The following XNDC1N variants were observed in gnomAD, a reference collection of about 807,000 sequenced individuals.
XNDC1N encodes protein XNDC1N.
the XNDC1N span, among the ~76,000 whole-genome samples, chr11:71,876,326 T>G: frequency 6.6e-6 from 1 of 152,310 alleles, no homozygotes; most frequent in East Asian, 1.9e-4. Context: ...CTTCTTGGTG[T>G]TCTTTTAAGA....
chr11:71,884,277 T>C, the XNDC1N span: 6 of 1,114,372 alleles, frequency 5.4e-6, no homozygotes, highest in Non-Finnish European at 7.2e-6. Context: ...TCTCTTGCAT[T>C]CTTTTGCTGT....
At chr11:71,923,253 T>C in the XNDC1N span, 1 of 701,214 alleles carries the variant, frequency 1.4e-6, no homozygotes, top group Non-Finnish European at 2.6e-6. Context: ...AGACTCCTAT[T>C]TTTTTCACTC....
At chr11:71,879,541 G>T in the XNDC1N span, among the ~76,000 whole-genome samples, 1 of 152,056 alleles carries the variant, frequency 6.6e-6, no homozygotes, top group African/African-American at 2.4e-5. Flanking sequence ...CATGATTCAA[G>T]ATTCCCTTAT....
chr11:71,912,898 TG>T, the XNDC1N span, among the ~76,000 whole-genome samples: 1 of 152,076 alleles, frequency 6.6e-6, no homozygotes, highest in African/African-American at 2.4e-5. Flanking sequence ...ACATCACAAG[TG>T]GGGTGTACTC....
the XNDC1N span, among the ~76,000 whole-genome samples, chr11:71,907,344 G>A: frequency 6.6e-6 from 1 of 151,800 alleles, no homozygotes; most frequent in Non-Finnish European, 1.5e-5. Flanking sequence ...ATCGCAGGGG[G>A]GTGAGGCGCC....
the XNDC1N span, among the ~76,000 whole-genome samples, chr11:71,904,912 C>T: frequency 6.6e-6 from 1 of 151,830 alleles, no homozygotes; most frequent in Non-Finnish European, 1.5e-5. Context: ...AGTAACATAC[C>T]CCTAGGACAT....
chr11:71,895,643 A>G, the XNDC1N span, among the ~76,000 whole-genome samples: 1 of 152,188 alleles, frequency 6.6e-6, no homozygotes, highest in African/African-American at 2.4e-5. Context: ...TAGCATTTAC[A>G]TTTTACATTT....
the XNDC1N span, among the ~76,000 whole-genome samples, chr11:71,908,650 A>T: frequency 0.023 from 3,521 of 152,142 alleles, 117 homozygotes; most frequent in African/African-American, 0.081. Flanking sequence ...CTGGGAAAAC[A>T]ATACAACGCC....
the XNDC1N span, chr11:71,893,899 T>C: frequency 4.2e-5 from 41 of 978,494 alleles, no homozygotes; most frequent in Admixed American, 3.5e-4. Flanking sequence ...CTGTGTCTTC[T>C]TCGTTTTGGT....
the XNDC1N span, among the ~76,000 whole-genome samples, chr11:71,924,430 G>C: frequency 3.0e-4 from 46 of 152,106 alleles, 1 homozygote; most frequent in South Asian, 2.1e-4. Flanking sequence ...TGTAATCCCA[G>C]CACTTTGGGA....
the XNDC1N span, among the ~76,000 whole-genome samples, chr11:71,881,903 CAGG>C: frequency 3.9e-5 from 6 of 151,958 alleles, no homozygotes; most frequent in African/African-American, 7.3e-5. Flanking sequence ...AATGAAGTAT[CAGG>C]AGGAGGAGAA....
At chr11:71,874,978 A>G in the XNDC1N span, among the ~76,000 whole-genome samples, 2 of 152,212 alleles carry the variant, frequency 1.3e-5, no homozygotes, top group South Asian at 2.1e-4. Context: ...ATATAAGTTA[A>G]GCACACCTGC....
chr11:71,913,665 T>TAA, the XNDC1N span, among the ~76,000 whole-genome samples: 19 of 105,312 alleles, frequency 1.8e-4, no homozygotes, highest in South Asian at 6.0e-4. Flanking sequence ...TCTCAAAAGA[T>TAA]AAAAAAAAAA....
At chr11:71,921,579 T>G in the XNDC1N span, among the ~76,000 whole-genome samples, 6 of 152,168 alleles carry the variant, frequency 3.9e-5, no homozygotes, top group Admixed American at 2.6e-4. Context: ...AATCTAAATG[T>G]CTTCATCCAT....
At chr11:71,913,556 G>A in the XNDC1N span, among the ~76,000 whole-genome samples, 1 of 151,968 alleles carries the variant, frequency 6.6e-6, no homozygotes, top group African/African-American at 2.4e-5. Flanking sequence ...CTACTCGGGA[G>A]GCTGAGGCAG....
the XNDC1N span, chr11:71,928,158 G>T: frequency 2.5e-6 from 1 of 406,484 alleles, no homozygotes; most frequent in Non-Finnish European, 4.5e-6. Flanking sequence ...CGAGGTGTGT[G>T]AACTGGCATG....
the XNDC1N span, among the ~76,000 whole-genome samples, chr11:71,912,372 G>C: frequency 6.6e-6 from 1 of 152,158 alleles, no homozygotes; most frequent in Non-Finnish European, 1.5e-5. Context: ...GATCACAGAA[G>C]GGGTGTAGAC....
chr11:71,918,893 A>G, the XNDC1N span: 1 of 702,610 alleles, frequency 1.4e-6, no homozygotes, highest in Non-Finnish European at 2.6e-6. Context: ...ACCCACATCA[A>G]TGTAGCCAGT....
chr11:71,910,671 C>G, the XNDC1N span, among the ~76,000 whole-genome samples: 3 of 152,150 alleles, frequency 2.0e-5, no homozygotes, highest in Admixed American at 1.3e-4. Flanking sequence ...ACAGCAGGTA[C>G]GTTACCTGGG....
Sources: allele counts gnomAD v4.1 joint callset (sites outside exome capture counted in the v4.1 genomes callset), GRCh38; gene constraint gnomAD v4.1.1; transcripts MANE v1.5; gene names NCBI Gene and HGNC (gene_info 2026-07-23, HGNC 2026-07-21).